Variants in NXPH1 observed in about 807,000 individuals in gnomAD.
The protein encoded by NXPH1 is neurexophilin 1, also known as neurexophilin-1.
In NXPH1, 5 loss-of-function variants were observed where a neutral mutation model predicts 23.7. That is an observed-to-expected ratio of 0.21 (90% CI 0.11 to 0.44). The LOEUF is 0.44. NXPH1 is among the 20% of genes least tolerant of loss of function. The pLI, the probability that NXPH1 is intolerant of heterozygous loss-of-function variation, is 0.99. For synonymous variants in NXPH1, 144 were observed against 122.2 expected, an observed-to-expected ratio of 1.18 and a Z score of -1.18; for missense variants, 324 against 321.6, an observed-to-expected ratio of 1.01 and a Z score of -0.06.
intron 2 of NXPH1, among the ~76,000 whole-genome samples, chr7:8,437,800 T>C (rs17148682): frequency 0.013 from 1,924 of 152,336 alleles, 51 homozygotes; most frequent in African/African-American, 0.044. Context: ...GCTGATTCAA[T>C]TACCGTTTAG....
At chr7:8,476,670 G>T (rs1334498990) in intron 2 of NXPH1, among the ~76,000 whole-genome samples, 1 of 150,962 alleles carries the variant, frequency 6.6e-6, no homozygotes, top group Non-Finnish European at 1.5e-5. Context: ...CCTTAGCTAT[G>T]AAGTATATGA....
intron 2 of NXPH1, among the ~76,000 whole-genome samples, chr7:8,738,731 C>G (rs1780306130): frequency 6.6e-6 from 1 of 152,168 alleles, no homozygotes; most frequent in Non-Finnish European, 1.5e-5. Flanking sequence ...ACAGCTACCA[C>G]TTCCCCCAGG....
intron 2 of NXPH1, among the ~76,000 whole-genome samples, chr7:8,559,584 C>G (rs1005360788): frequency 6.6e-5 from 10 of 151,708 alleles, no homozygotes; most frequent in African/African-American, 2.4e-4. Context: ...CTAAAACTTT[C>G]AGCGCTAAGT....
intron 2 of NXPH1, among the ~76,000 whole-genome samples, chr7:8,662,437 CT>C (rs1367408612): frequency 6.6e-6 from 1 of 151,970 alleles, no homozygotes; most frequent in Non-Finnish European, 1.5e-5. Flanking sequence ...GTTACTGGAA[CT>C]TTTTGACCAA....
At chr7:8,524,973 C>T (rs1403875390) in intron 2 of NXPH1, among the ~76,000 whole-genome samples, 5 of 152,018 alleles carry the variant, frequency 3.3e-5, no homozygotes, top group East Asian at 1.9e-4. Context: ...AAAAGATACC[C>T]GAAAATGTGG....
intron 2 of NXPH1, among the ~76,000 whole-genome samples, chr7:8,734,817 G>A (rs1780220990): frequency 2.0e-5 from 3 of 152,110 alleles, no homozygotes. Flanking sequence ...CTTTTGTGTG[G>A]AAGTCTAAGT....
chr7:8,618,971 T>C (rs1017912509), intron 2 of NXPH1, among the ~76,000 whole-genome samples: 2 of 152,194 alleles, frequency 1.3e-5, no homozygotes, highest in East Asian at 1.9e-4. Flanking sequence ...AATTATAAAA[T>C]TGAAATCTTT....
chr7:8,708,500 A>G (rs1220301393), intron 2 of NXPH1, among the ~76,000 whole-genome samples: 2 of 152,020 alleles, frequency 1.3e-5, no homozygotes, highest in Non-Finnish European at 2.9e-5. Flanking sequence ...AGCTGGGATT[A>G]CAGGCACCTG....
At position 8,433,654 on chromosome 7, in the gene NXPH1, C is replaced by A. The variant is rs1816136485; in HGVS notation, c.-1212C>A. 6.6e-6 allele frequency among the ~76,000 whole-genome samples: 1 copy of A among 152,170 alleles called. No homozygotes were observed. The highest frequency in any genetic ancestry group is 1.5e-5 in the Non-Finnish European group (1 of 68,028). On this transcript the variant is annotated 5_prime_UTR_variant, in exon 1 of 3. Coordinates refer to ENST00000405863, the MANE Select transcript of NXPH1 (RefSeq NM_152745.3). This position sits in a 1 kb window ranked among gnomAD's most constrained non-coding sequence, Gnocchi z 6.8. ...GCTGAATGGCTGGCAGTCTGCGGCT[C>A]CCCCGCCTCCGGCCCGGCAGCCACA... is the stretch of plus-strand genomic sequence containing the variant.
intron 2 of NXPH1, among the ~76,000 whole-genome samples, chr7:8,537,549 A>G (rs757298846): frequency 6.6e-6 from 1 of 151,890 alleles, no homozygotes; most frequent in Non-Finnish European, 1.5e-5. Flanking sequence ...CATGGAGGTA[A>G]CCACCCCCAT....
chr7:8,588,473 G>A (rs1020241717), intron 2 of NXPH1, among the ~76,000 whole-genome samples: 2 of 151,980 alleles, frequency 1.3e-5, no homozygotes, highest in Non-Finnish European at 2.9e-5. Flanking sequence ...AAAATGGAAT[G>A]GAATCTCTGC....
chr7:8,733,386 A>G (rs561251710), intron 2 of NXPH1, among the ~76,000 whole-genome samples: 2 of 152,254 alleles, frequency 1.3e-5, no homozygotes, highest in East Asian at 3.9e-4. Context: ...TTCTTTGGAT[A>G]TATATACCCA....
chr7:8,455,114 G>A (rs976360715), intron 2 of NXPH1, among the ~76,000 whole-genome samples: 2 of 152,040 alleles, frequency 1.3e-5, no homozygotes, highest in East Asian at 3.9e-4. Context: ...CCTTGCAATC[G>A]TATGCCACGC....
chr7:8,538,959 G>A (rs1818069364), intron 2 of NXPH1, among the ~76,000 whole-genome samples: 1 of 151,884 alleles, frequency 6.6e-6, no homozygotes, highest in Non-Finnish European at 1.5e-5. Flanking sequence ...CTAGTGGTTG[G>A]TAGATGTGTG....
At chr7:8,720,510 A>G (rs1779953818) in intron 2 of NXPH1, among the ~76,000 whole-genome samples, 1 of 152,240 alleles carries the variant, frequency 6.6e-6, no homozygotes, top group African/African-American at 2.4e-5. Flanking sequence ...AAATAAAATA[A>G]TGTCAGCCTC....
chr7:8,663,152 AT>A (rs1421746668), intron 2 of NXPH1, among the ~76,000 whole-genome samples: 1 of 152,080 alleles, frequency 6.6e-6, no homozygotes, highest in Non-Finnish European at 1.5e-5. Context: ...TATTGGAGTC[AT>A]TTAGTATACA....
chr7:8,693,732 C>T (rs1821258450), intron 2 of NXPH1, among the ~76,000 whole-genome samples: 1 of 152,126 alleles, frequency 6.6e-6, no homozygotes, highest in Non-Finnish European at 1.5e-5. Context: ...TCTTCCATTA[C>T]AGAAAATCAC....
At chr7:8,597,290 C>T (rs1400845866) in intron 2 of NXPH1, among the ~76,000 whole-genome samples, 3 of 152,080 alleles carry the variant, frequency 2.0e-5, no homozygotes, top group Non-Finnish European at 4.4e-5. Flanking sequence ...GTTTATTTAG[C>T]TAGATTGCTT....
At chr7:8,457,773 C>T (rs1584167691) in intron 2 of NXPH1, among the ~76,000 whole-genome samples, 1 of 152,088 alleles carries the variant, frequency 6.6e-6, no homozygotes, top group Non-Finnish European at 1.5e-5. Context: ...TAAGTGGAGG[C>T]TATGTGTGTA....
Sources: allele counts gnomAD v4.1 joint callset (sites outside exome capture counted in the v4.1 genomes callset), GRCh38; gene constraint gnomAD v4.1.1; non-coding constraint Gnocchi (gnomAD v3.1); transcripts MANE v1.5; gene names NCBI Gene and HGNC (gene_info 2026-07-23, HGNC 2026-07-21).